VRK2: variants seen among roughly 807,000 people sequenced by gnomAD.
VRK2 encodes VRK serine/threonine kinase 2, also known as serine/threonine-protein kinase VRK2.
In VRK2, 60 loss-of-function variants were observed where a neutral mutation model predicts 57.6. The ratio of observed to expected loss-of-function variants is 1.04; its 90% confidence interval spans 0.85 to 1.29. The LOEUF (loss-of-function observed/expected upper bound fraction) is 1.29. VRK2 is among the 50% of genes most tolerant of loss of function. The pLI is 0.00. For missense variants in VRK2, 705 were observed against 588.1 expected, an observed-to-expected ratio of 1.20 and a Z score of -2.06; for synonymous variants, 231 against 199.2, an observed-to-expected ratio of 1.16 and a Z score of -1.35.
chr2:58,139,555 C>G (rs1681025202), intron 10 of VRK2, 111 bp from the exon 11 acceptor site: 2 of 889,906 alleles, frequency 2.2e-6, no homozygotes, highest in Non-Finnish European at 3.4e-6. Context: ...TTAGTTTCTT[C>G]AGGAGATGTA....
chr2:58,020,864 T>A (rs956821520), intron 1 of VRK2, among the ~76,000 whole-genome samples: 2 of 152,212 alleles, frequency 1.3e-5, no homozygotes, highest in African/African-American at 4.8e-5. Context: ...ATCCACTGCA[T>A]AGTATAGCAC....
At chr2:57,986,774 T>A (rs2104068051) in intron 1 of VRK2, among the ~76,000 whole-genome samples, 1 of 152,140 alleles carries the variant, frequency 6.6e-6, no homozygotes, top group South Asian at 2.1e-4. Context: ...AATTTTTGTA[T>A]TATTAGTAGA....
chr2:58,071,741 C>A (rs1274112344), intron 2 of VRK2, among the ~76,000 whole-genome samples: 1 of 151,870 alleles, frequency 6.6e-6, no homozygotes, highest in Non-Finnish European at 1.5e-5. Context: ...TGACTTTGTT[C>A]TTCAGTATTG....
intron 1 of VRK2, among the ~76,000 whole-genome samples, chr2:57,969,129 T>C (rs560672970): frequency 2.0e-5 from 3 of 151,930 alleles, no homozygotes; most frequent in African/African-American, 4.8e-5. Flanking sequence ...TTGTGATAAA[T>C]GGACCTAAAA....
chr2:57,918,404 G>C (rs1294905492), intron 1 of VRK2, among the ~76,000 whole-genome samples: 3 of 151,820 alleles, frequency 2.0e-5, no homozygotes, highest in Non-Finnish European at 4.4e-5. Context: ...TTCTTATCCT[G>C]AGAGTTACCC....
At chr2:57,971,765 A>T (rs145145327) in intron 1 of VRK2, among the ~76,000 whole-genome samples, 3 of 151,954 alleles carry the variant, frequency 2.0e-5, no homozygotes, top group Non-Finnish European at 4.4e-5. Context: ...TAGTTGGAAT[A>T]CTTACATAAA....
intron 1 of VRK2, among the ~76,000 whole-genome samples, chr2:57,994,595 G>T (rs1179191363): frequency 1.3e-5 from 2 of 151,960 alleles, no homozygotes; most frequent in African/African-American, 2.4e-5. Context: ...AATACTTCAG[G>T]TCTTTGCAGG....
At chr2:57,969,817 G>A (rs1672036265) in intron 1 of VRK2, among the ~76,000 whole-genome samples, 1 of 152,008 alleles carries the variant, frequency 6.6e-6, no homozygotes, top group African/African-American at 2.4e-5. Context: ...TTCTGCCTTT[G>A]GAGCACCCTT....
At chr2:57,990,250 GT>G (rs1379665752) in intron 1 of VRK2, among the ~76,000 whole-genome samples, 6 of 152,132 alleles carry the variant, frequency 3.9e-5, no homozygotes, top group Non-Finnish European at 1.5e-5. Flanking sequence ...ACTCCCTCTT[GT>G]TTCTGCAAAG....
chr2:58,027,209 A>G (rs1673956695), intron 2 of VRK2, among the ~76,000 whole-genome samples: 1 of 151,964 alleles, frequency 6.6e-6, no homozygotes, highest in Non-Finnish European at 1.5e-5. Flanking sequence ...AAAGGCATCA[A>G]TCCAGATTAC....
At chr2:58,113,382 C>T (rs1214087971) in intron 7 of VRK2, among the ~76,000 whole-genome samples, 1 of 151,430 alleles carries the variant, frequency 6.6e-6, no homozygotes, top group Admixed American at 6.6e-5. Flanking sequence ...GATGGAACTT[C>T]AGAGAGAGCC....
chr2:57,959,771 T>G (rs922681193), intron 1 of VRK2, among the ~76,000 whole-genome samples: 10 of 152,118 alleles, frequency 6.6e-5, no homozygotes, highest in African/African-American at 2.2e-4. Flanking sequence ...ATAGGAGAGA[T>G]ACTGTAGCTG....
chr2:57,943,631 T>C (rs928646417), intron 1 of VRK2, among the ~76,000 whole-genome samples: 29 of 152,222 alleles, frequency 1.9e-4, no homozygotes, highest in African/African-American at 7.0e-4. Flanking sequence ...AAGGGTATGA[T>C]AAACTTGATG....
At chr2:58,086,298 A>G in intron 4 of VRK2, 41 bp from the exon 5 acceptor site, 2 of 1,537,876 alleles carry the variant, frequency 1.3e-6, no homozygotes, top group South Asian at 2.4e-5. Flanking sequence ...GTATCTTTTC[A>G]AATAACATGA....
chr2:58,044,802 G>C (rs1674615619), upstream of VRK2, among the ~76,000 whole-genome samples: 1 of 152,188 alleles, frequency 6.6e-6, no homozygotes, highest in Non-Finnish European at 1.5e-5. Context: ...TAGGACATTG[G>C]GGAGTGGGAG....
intron 2 of VRK2, among the ~76,000 whole-genome samples, chr2:58,027,534 G>C (rs1374973946): frequency 6.6e-6 from 1 of 152,114 alleles, no homozygotes; most frequent in East Asian, 1.9e-4. Context: ...TAGTAATGGA[G>C]GGCAGTGGTG....
chr2:58,074,308 CATT>C (rs1572958074), intron 2 of VRK2, among the ~76,000 whole-genome samples: 4 of 151,910 alleles, frequency 2.6e-5, no homozygotes, highest in African/African-American at 7.2e-5. Flanking sequence ...AGTATATTTG[CATT>C]ATTATCTGCT....
chr2:58,002,722 C>A (rs1233729521), intron 1 of VRK2, among the ~76,000 whole-genome samples: 1 of 152,050 alleles, frequency 6.6e-6, no homozygotes, highest in African/African-American at 2.4e-5. Context: ...TAGAAATGAG[C>A]ATAGGAAATG....
intron 5 of VRK2, among the ~76,000 whole-genome samples, chr2:58,087,188 G>A (rs1671752657): frequency 6.6e-6 from 1 of 152,072 alleles, no homozygotes; most frequent in South Asian, 2.1e-4. Context: ...CCTTTGAATA[G>A]CCTGTTAAAA....
Sources: allele counts gnomAD v4.1 joint callset (sites outside exome capture counted in the v4.1 genomes callset), GRCh38; gene constraint gnomAD v4.1.1; transcripts MANE v1.5; gene names NCBI Gene and HGNC (gene_info 2026-07-23, HGNC 2026-07-21).